The following TDO2 variants were observed in gnomAD, a reference collection of about 807,000 sequenced individuals.
TDO2 encodes the protein tryptophan 2,3-dioxygenase.
Under a neutral mutation model 61.2 loss-of-function variants are expected in TDO2, and 63 were observed. That is an observed-to-expected ratio of 1.03 (90% CI 0.84 to 1.27). TDO2 has a LOEUF of 1.27. Among genes scored for constraint, TDO2 ranks in the 50% most tolerant of loss-of-function variants. The pLI is 0.00. For synonymous variants in TDO2, 183 were observed against 164.0 expected, an observed-to-expected ratio of 1.12 and a Z score of -0.89; for missense variants, 494 against 469.5, an observed-to-expected ratio of 1.05 and a Z score of -0.48.
chr4:155,906,002 A>G (rs1367921764), intron 3 of TDO2: 1 of 152,202 alleles, frequency 6.6e-6, no homozygotes, highest in East Asian at 1.9e-4. Flanking sequence ...TACCGAGGCA[A>G]TATCAATAGG....
intron 10 of TDO2, 119 bp downstream of exon 10, chr4:155,917,593 G>A (rs1355304829): frequency 2.6e-6 from 2 of 784,154 alleles, no homozygotes; most frequent in African/African-American, 1.8e-5. Context: ...TTGTGTGTGG[G>A]TGCATTCTTT....
At chr4:155,904,726 CT>C (rs1334057436) in intron 2 of TDO2, among the ~76,000 whole-genome samples, 1 of 151,990 alleles carries the variant, frequency 6.6e-6, no homozygotes, top group Non-Finnish European at 1.5e-5. Flanking sequence ...AGAATAGGCT[CT>C]TTAGGGGAAT....
intron 7 of TDO2, among the ~76,000 whole-genome samples, chr4:155,911,963 A>G (rs993659353): frequency 6.6e-6 from 1 of 152,150 alleles, no homozygotes; most frequent in Non-Finnish European, 1.5e-5. Flanking sequence ...TTGCTCTTGT[A>G]TATTTACTGG....
chr4:155,907,938 G>A, intron 4 of TDO2, 146 bp downstream of exon 4: 1 of 590,580 alleles, frequency 1.7e-6, no homozygotes. Context: ...TGAATGAGGA[G>A]TTCAGTCATA....
chr4:155,903,861 T>C, intron 1 of TDO2, 68 bp downstream of exon 1: 1 of 1,590,396 alleles, frequency 6.3e-7, no homozygotes, highest in East Asian at 2.2e-5. Context: ...CATTTTAATT[T>C]CTGAATTTAA....
At chr4:155,917,515 C>T (rs753032191) in intron 10 of TDO2, 41 bp downstream of exon 10, 1 of 1,521,908 alleles carries the variant, frequency 6.6e-7, no homozygotes, top group South Asian at 1.2e-5. Context: ...TCCCCACATG[C>T]TGTTCCTGTG....
intron 2 of TDO2, 139 bp from the exon 3 acceptor site, chr4:155,904,928 T>C (rs1409395574): frequency 6.9e-6 from 4 of 577,256 alleles, no homozygotes; most frequent in African/African-American, 2.0e-5. Context: ...ATTCGTCCAT[T>C]GTTTAAAAGA....
intron 10 of TDO2, among the ~76,000 whole-genome samples, chr4:155,917,702 T>C (rs1399049): frequency 0.98 from 149,593 of 152,312 alleles, 73,468 homozygotes; most frequent in East Asian, 1. Context: ...TGGGGGCTCA[T>C]GAAAATGTTT....
intron 10 of TDO2, 69 bp downstream of exon 10, chr4:155,917,543 C>G: frequency 7.7e-7 from 1 of 1,295,094 alleles, no homozygotes; most frequent in Admixed American, 2.2e-5. Flanking sequence ...TCTTGGTCTT[C>G]TGTGTGCCCT....
At chr4:155,914,494 T>G (rs1742895216) in intron 8 of TDO2, 60 bp downstream of exon 8, 2 of 1,180,874 alleles carry the variant, frequency 1.7e-6, no homozygotes, top group Non-Finnish European at 2.3e-6. Flanking sequence ...GATCAAGACA[T>G]CATTTTATAA....
At chr4:155,917,288 A>G (rs1174285351) in intron 9 of TDO2, 107 bp from the exon 10 acceptor site, 2 of 857,986 alleles carry the variant, frequency 2.3e-6, no homozygotes, top group Non-Finnish European at 3.5e-6. Flanking sequence ...CCTCACAGGC[A>G]AAGCTGACAT....
intron 11 of TDO2, 25 bp from the exon 12 acceptor site, chr4:155,919,812 C>T (rs1480180619): frequency 2.5e-6 from 4 of 1,574,906 alleles, no homozygotes; most frequent in Non-Finnish European, 3.4e-6. Flanking sequence ...ACCAATGTAA[C>T]ACATCTTCAT....
intron 11 of TDO2, among the ~76,000 whole-genome samples, chr4:155,918,627 G>A (rs1004549974): frequency 6.6e-6 from 1 of 152,126 alleles, no homozygotes; most frequent in Non-Finnish European, 1.5e-5. Context: ...AGTTAAAGTA[G>A]CGTCTTGTTT....
chr4:155,909,072 G>A, intron 5 of TDO2, 58 bp downstream of exon 5: 1 of 1,499,712 alleles, frequency 6.7e-7, no homozygotes, highest in Non-Finnish European at 8.9e-7. Flanking sequence ...ATTTTGGTGG[G>A]GTAAAAGCAG....
chr4:155,909,144 T>G, intron 5 of TDO2, 130 bp downstream of exon 5: 1 of 779,218 alleles, frequency 1.3e-6, no homozygotes. Context: ...TATATGGACT[T>G]AGGGGTCTTC....
intron 8 of TDO2, among the ~76,000 whole-genome samples, chr4:155,914,909 T>A (rs2110880578): frequency 6.6e-6 from 1 of 152,296 alleles, no homozygotes; most frequent in Admixed American, 6.5e-5. Context: ...ATACTAAGTT[T>A]CTTTTATTAG....
intron 11 of TDO2, 55 bp downstream of exon 11, chr4:155,918,294 T>C (rs1347288742): frequency 4.5e-6 from 7 of 1,552,840 alleles, no homozygotes; most frequent in Non-Finnish European, 6.2e-6. Flanking sequence ...AATTTGTTTC[T>C]CCACCTATAC....
In TDO2 at chr4:155,911,485, T is replaced by C. The variant is rs1742827718; in HGVS notation, c.619-12T>C. ...TACCATGTACTCACTTAAAAAATAA[T>C]GTTTATTTAAGGCATGGCTGGAAAG... On this transcript the variant is annotated splice_polypyrimidine_tract_variant and intron_variant, in intron 6 of 11. Transcript: ENST00000536354. 1.9e-6 allele frequency: 3 copies of C among 1,596,964 alleles called. No individual in the cohort carries two copies. The highest frequency in any genetic ancestry group is 3.4e-5 in the Admixed American group (2 of 58,410).
At chr4:155,914,494 T>A in intron 8 of TDO2, 60 bp downstream of exon 8, 1 of 1,180,874 alleles carries the variant, frequency 8.5e-7, no homozygotes. Flanking sequence ...GATCAAGACA[T>A]CATTTTATAA....
Sources: allele counts gnomAD v4.1 joint callset (sites outside exome capture counted in the v4.1 genomes callset), GRCh38; gene constraint gnomAD v4.1.1; transcripts MANE v1.5; gene names NCBI Gene and HGNC (gene_info 2026-07-23, HGNC 2026-07-21).